The following POLGARF variants were observed in gnomAD, a reference collection of about 807,000 sequenced individuals.
The protein encoded by POLGARF is POLG alternative reading frame.
At chr15:89,333,606 T>TGCG in the POLGARF span, 1 of 1,592,008 alleles carries the variant, frequency 6.3e-7, no homozygotes, top group Non-Finnish European at 8.5e-7. Context: ...TTGCTGCTGC[T>TGCG]GCTGCTGCTG....
At chr15:89,332,607 G>A in the POLGARF span, among the ~76,000 whole-genome samples, 1 of 148,312 alleles carries the variant, frequency 6.7e-6, no homozygotes, top group African/African-American at 2.5e-5. Flanking sequence ...GGCGGGGGCA[G>A]GGGGGCGGGG....
chr15:89,331,023 A>C, the POLGARF span, among the ~76,000 whole-genome samples: 1 of 152,148 alleles, frequency 6.6e-6, no homozygotes, highest in Admixed American at 6.5e-5. Flanking sequence ...CCACTGAGGA[A>C]ATGCCTGTTG....
the POLGARF span, among the ~76,000 whole-genome samples, chr15:89,332,770 C>T: frequency 0.011 from 1,705 of 152,290 alleles, 30 homozygotes; most frequent in African/African-American, 0.039. Context: ...AGACTAACTT[C>T]TCATGACGCT....
chr15:89,331,198 T>C, the POLGARF span, among the ~76,000 whole-genome samples: 8 of 152,156 alleles, frequency 5.3e-5, no homozygotes, highest in Non-Finnish European at 1.2e-4. Flanking sequence ...ACTAACTTCT[T>C]TCAAAGAGAA....
the POLGARF span, chr15:89,333,620 CTGCTGCT>C: frequency 6.9e-6 from 11 of 1,601,012 alleles, no homozygotes; most frequent in African/African-American, 9.4e-5. Flanking sequence ...GCTGCTGCTG[CTGCTGCT>C]GCCGCCGCCG....
chr15:89,333,694 C>G, the POLGARF span: 2 of 1,541,986 alleles, frequency 1.3e-6, no homozygotes, highest in Non-Finnish European at 1.7e-6. Flanking sequence ...CGCCCCGGAG[C>G]TGGAACCGGC....
At chr15:89,333,214 C>T in the POLGARF span, 1 of 1,576,538 alleles carries the variant, frequency 6.3e-7, no homozygotes, top group Non-Finnish European at 8.6e-7. Flanking sequence ...GCCTCCCCCT[C>T]GGGGCCGTAC....
chr15:89,333,726 G>A, the POLGARF span: 180 of 1,535,982 alleles, frequency 1.2e-4, no homozygotes, highest in Non-Finnish European at 4.4e-5. Flanking sequence ...GGTGGCGCCG[G>A]CCACCTTCCT....
At chr15:89,333,557 G>A in the POLGARF span, 2 of 1,611,088 alleles carry the variant, frequency 1.2e-6, no homozygotes, top group Non-Finnish European at 1.7e-6. Context: ...GCAGCTGCCC[G>A]CCCTCCGAGG....
At chr15:89,332,991 C>T in the POLGARF span, 3,509 of 1,429,294 alleles carry the variant, frequency 2.5e-3, 4 homozygotes, top group Non-Finnish European at 2.9e-3. Context: ...GCGCTCCCTA[C>T]GTGAGCACCC....
At chr15:89,333,398 G>C in the POLGARF span, 1 of 1,598,278 alleles carries the variant, frequency 6.3e-7, no homozygotes, top group Admixed American at 1.7e-5. Flanking sequence ...CGTCGGGCAA[G>C]GGCACGGCTG....
chr15:89,330,932 C>T, the POLGARF span, among the ~76,000 whole-genome samples: 1 of 152,106 alleles, frequency 6.6e-6, no homozygotes, highest in African/African-American at 2.4e-5. Flanking sequence ...GGGATGAGTG[C>T]TGCCTGTTGG....
At chr15:89,333,377 G>T in the POLGARF span, 1 of 1,580,988 alleles carries the variant, frequency 6.3e-7, no homozygotes, top group East Asian at 2.3e-5. Context: ...GGGGCGGCAG[G>T]CGCAGCTCCA....
At chr15:89,333,481 C>A in the POLGARF span, 1 of 1,612,486 alleles carries the variant, frequency 6.2e-7, no homozygotes, top group Admixed American at 1.7e-5. Flanking sequence ...GGCATCTCCC[C>A]TCCTTGCCCG....
At chr15:89,333,216 G>C in the POLGARF span, 1 of 1,577,598 alleles carries the variant, frequency 6.3e-7, no homozygotes, top group South Asian at 1.1e-5. Flanking sequence ...CTCCCCCTCG[G>C]GGCCGTACCG....
chr15:89,332,418 A>G, the POLGARF span: 1 of 152,228 alleles, frequency 6.6e-6, no homozygotes, highest in African/African-American at 2.4e-5. Flanking sequence ...TACTGCCATC[A>G]TTGTTTGAAA....
chr15:89,333,533 C>T, the POLGARF span: 16 of 1,612,854 alleles, frequency 9.9e-6, no homozygotes, highest in East Asian at 3.6e-4. Context: ...TCTGGATGTC[C>T]AATGGGTTGT....
At chr15:89,331,559 G>A in the POLGARF span, among the ~76,000 whole-genome samples, 8 of 152,244 alleles carry the variant, frequency 5.3e-5, no homozygotes, top group Non-Finnish European at 1.0e-4. Context: ...TTAGAAAAAT[G>A]CTGATGGCCA....
chr15:89,333,226 G>A, the POLGARF span: 7 of 1,579,598 alleles, frequency 4.4e-6, no homozygotes, highest in African/African-American at 5.4e-5. Flanking sequence ...GGGCCGTACC[G>A]GGTCCAGCCC....
Sources: gnomAD v4.1 joint callset for allele counts (sites outside exome capture counted in the v4.1 genomes callset) on GRCh38, gnomAD v4.1.1 for gene constraint, MANE v1.5 for transcripts, NCBI Gene and HGNC (gene_info 2026-07-23, HGNC 2026-07-21) for gene names.